VAV2: variants seen among roughly 807,000 people sequenced by gnomAD.
VAV2 encodes the protein vav guanine nucleotide exchange factor 2, also known as guanine nucleotide exchange factor VAV2.
A neutral mutation model predicts 132.5 loss-of-function variants in VAV2; 67 were observed. The observed-to-expected ratio is 0.51, with a 90% CI of 0.42 to 0.62. VAV2 has a LOEUF of 0.62. Among genes scored for constraint, VAV2 ranks in the 20% least tolerant of loss-of-function variants. The pLI, the probability that VAV2 is intolerant of heterozygous loss-of-function variation, is 0.00. For synonymous variants in VAV2, 492 were observed against 443.5 expected (o/e 1.11, Z -1.37); for missense variants, 938 against 1,153.6 (o/e 0.81, Z 2.71).
intron 6 of VAV2, among the ~76,000 whole-genome samples, chr9:133,809,494 G>A (rs538671683): frequency 6.6e-6 from 1 of 152,340 alleles, no homozygotes; most frequent in Non-Finnish European, 1.5e-5. Flanking sequence ...CTCCAGCACA[G>A]GAGCAGGAGT....
chr9:133,910,106 C>T (rs1839824867), intron 2 of VAV2, among the ~76,000 whole-genome samples: 1 of 152,148 alleles, frequency 6.6e-6, no homozygotes, highest in Non-Finnish European at 1.5e-5. Flanking sequence ...GAATCAGCTT[C>T]CCCCACCCCA....
chr9:133,830,760 T>C (rs1823486576), intron 4 of VAV2, among the ~76,000 whole-genome samples: 1 of 152,200 alleles, frequency 6.6e-6, no homozygotes, highest in Non-Finnish European at 1.5e-5. Context: ...TGGCATGCGC[T>C]TGTGTCTTGT....
At chr9:133,943,741 C>T (rs568846470) in intron 1 of VAV2, among the ~76,000 whole-genome samples, 5 of 152,346 alleles carry the variant, frequency 3.3e-5, no homozygotes, top group African/African-American at 9.6e-5. Flanking sequence ...AGGGAGGGCT[C>T]CCGCCCCTGG....
chr9:133,968,027 G>A (rs1842205193), intron 1 of VAV2, among the ~76,000 whole-genome samples: 1 of 151,916 alleles, frequency 6.6e-6, no homozygotes, highest in African/African-American at 2.4e-5. Flanking sequence ...GGGACAGAGT[G>A]GAATGATGGA....
In VAV2 at chr9:133,991,773, G is replaced by A. The variant is rs1313352593; in HGVS notation, c.204+302C>T. 1.3e-5 allele frequency among the ~76,000 whole-genome samples: 2 copies of A among 151,222 alleles called. No individual in the cohort carries two copies. The highest frequency in any genetic ancestry group is 1.9e-4 in the East Asian group (1 of 5,188). ...CCACTCGCAGGGCCCCGCAGAGCGA[G>A]CGCAGCGCCGGAGCCTCCCCCATCC... On this transcript the variant is annotated intron_variant, in intron 1 of 29. Coordinates refer to ENST00000371850, the MANE Select transcript of VAV2 (RefSeq NM_001134398.2). This position sits in a 1 kb window ranked among gnomAD's most constrained non-coding sequence, Gnocchi z 4.8.
rs894220492 is a variant in VAV2, at chr9:133,768,169, G to A, written c.2589+273C>T. Among the ~76,000 whole-genome samples the A allele has an allele frequency of 1.6e-4, 24 of 152,300 alleles. No individual in the cohort carries two copies. Among genetic ancestry groups the A allele is most frequent in the African/African-American group, 5.8e-4 (24 of 41,556 alleles). On this transcript the variant is annotated intron_variant, in intron 29 of 29. Coordinates refer to ENST00000371850, the MANE Select transcript of VAV2 (RefSeq NM_001134398.2). The surrounding 1 kb of genome is among the most constrained non-coding windows in gnomAD (Gnocchi z 5.3). The stretch of plus-strand genomic sequence containing the variant: ...GGCAGCCCAGAATAAAAATGGAACA[G>A]GGTCGGGGGGTTCCTAGGAGCCTGG...
rs1834328690 is a variant in VAV2, at chr9:133,788,581, G to A, written c.1275-95C>T. Reference sequence around the variant, plus strand: ...AGCTGAGCCTGAGGCTCTGGCACGCGGCTCCCTCTCCGGGCGAGCCCTGCC... The same window carrying A: ...AGCTGAGCCTGAGGCTCTGGCACGCAGCTCCCTCTCCGGGCGAGCCCTGCC... On this transcript the variant is annotated intron_variant, in intron 14 of 29. Coordinates refer to ENST00000371850, the MANE Select transcript of VAV2 (RefSeq NM_001134398.2). The surrounding 1 kb of genome is among the most constrained non-coding windows in gnomAD (Gnocchi z 5.3). The A allele has an allele frequency of 1.4e-5, 22 of 1,524,226 alleles. No individual in the cohort carries two copies. Among genetic ancestry groups the A allele is most frequent in the Middle Eastern group, 4.8e-4 (2 of 4,206 alleles). 94.4% of individuals were successfully genotyped at this position (1,524,226 alleles called of 1,614,324 possible). A position where few individuals can be genotyped will look rare whatever the true frequency, so the allele number is the denominator to read the frequency against.
At chr9:133,941,620 G>C (rs1035038564) in intron 1 of VAV2, among the ~76,000 whole-genome samples, 4 of 136,734 alleles carry the variant, frequency 2.9e-5, no homozygotes, top group Admixed American at 2.2e-4. Flanking sequence ...GGGGGGGGGG[G>C]GGACGGAATT....
intron 16 of VAV2, 78 bp downstream of exon 16, chr9:133,787,168 C>T (rs1834259643): frequency 2.1e-6 from 3 of 1,437,150 alleles, no homozygotes; most frequent in Non-Finnish European, 1.8e-6. Flanking sequence ...CCCTGGGTCC[C>T]CTGGCTCCGG....
At chr9:133,958,875 C>T (rs1326702325) in intron 1 of VAV2, among the ~76,000 whole-genome samples, 1 of 152,236 alleles carries the variant, frequency 6.6e-6, no homozygotes, top group Admixed American at 6.5e-5. Context: ...AGGAAGAAAG[C>T]CCTGGGCCCT....
At chr9:133,856,523 A>T (rs1236162375) in intron 3 of VAV2, among the ~76,000 whole-genome samples, 2 of 150,618 alleles carry the variant, frequency 1.3e-5, no homozygotes, top group Non-Finnish European at 2.9e-5. Flanking sequence ...GTGCCCAGAC[A>T]CGCCACATAG....
chr9:133,887,199 C>G (rs62576555), intron 2 of VAV2, among the ~76,000 whole-genome samples: 13,551 of 152,298 alleles, frequency 0.089, 694 homozygotes, highest in South Asian at 0.12. Flanking sequence ...TTCACCTCCA[C>G]AGCCCTCAGG....
At position 133,788,239 on chromosome 9, in the gene VAV2, C is replaced by CGCCCCCCAAACCGGGG; in HGVS notation, c.1407+114_1407+115insCCCCGGTTTGGGGGGC. 8.3e-7 allele frequency: 1 copy of CGCCCCCCAAACCGGGG among 1,204,926 alleles called. No individual in the cohort carries two copies. The highest frequency in any genetic ancestry group is 1.2e-6 in the Non-Finnish European group (1 of 859,296). 74.6% of individuals were successfully genotyped at this position (1,204,926 alleles called of 1,614,324 possible). On this transcript the variant is annotated intron_variant, in intron 15 of 29. Coordinates refer to ENST00000371850, the MANE Select transcript of VAV2 (RefSeq NM_001134398.2). The surrounding 1 kb of genome is among the most constrained non-coding windows in gnomAD (Gnocchi z 5.3). ...GCGGAGACGCCCACCCCAACCCACC[C>CGCCCCCCAAACCGGGG]GGCCAGCATCAGCGGCTGACTTCGA... is the stretch of plus-strand genomic sequence containing the variant.
intron 1 of VAV2, among the ~76,000 whole-genome samples, chr9:133,979,719 C>T (rs889987792): frequency 1.3e-5 from 2 of 152,240 alleles, no homozygotes; most frequent in Non-Finnish European, 2.9e-5. Context: ...AGCCTGCTGA[C>T]TTTGCCAGGG....
At chr9:133,870,696 G>T (rs969620042) in intron 2 of VAV2, among the ~76,000 whole-genome samples, 1 of 149,252 alleles carries the variant, frequency 6.7e-6, no homozygotes, top group Non-Finnish European at 1.5e-5. Context: ...TGGGTGGATG[G>T]ATAAGTGGGT....
At chr9:133,808,945 G>A in intron 7 of VAV2, 95 bp downstream of exon 7, 1 of 1,181,720 alleles carries the variant, frequency 8.5e-7, no homozygotes, top group South Asian at 1.5e-5. Flanking sequence ...GAGGCCCTAT[G>A]GCCCTGCCTC....
At chr9:133,797,407 G>A (rs1437898170) in intron 10 of VAV2, among the ~76,000 whole-genome samples, 5 of 152,134 alleles carry the variant, frequency 3.3e-5, no homozygotes, top group Non-Finnish European at 7.4e-5. Flanking sequence ...GGGGCTCCCT[G>A]GAGTCAGCAG....
intron 3 of VAV2, among the ~76,000 whole-genome samples, chr9:133,854,244 T>C (rs914441015): frequency 2.1e-5 from 3 of 142,564 alleles, no homozygotes; most frequent in African/African-American, 8.4e-5. Context: ...CACACATACA[T>C]GCACTCATCT....
rs577744451 is a variant in VAV2, at chr9:133,773,128, C to G, written c.2136-1082G>C. On this transcript the variant is annotated intron_variant, in intron 25 of 29. Transcript: ENST00000371850. ...GCCTACTGCACACCCCACACCTAGGCTGGACAGCAGAGCCTACTGCACACC... is the reference window on the plus strand; with the variant it reads ...GCCTACTGCACACCCCACACCTAGGGTGGACAGCAGAGCCTACTGCACACC... Among the ~76,000 whole-genome samples the G allele has an allele frequency of 4.2e-5, 6 of 142,144 alleles. No individual in the cohort carries two copies. In the South Asian group the frequency reaches 1.4e-3, roughly 32 times the overall value. 93.3% of individuals were successfully genotyped at this position (142,144 alleles called of 152,430 possible).
Sources: gnomAD v4.1 joint callset for allele counts (sites outside exome capture counted in the v4.1 genomes callset) on GRCh38, gnomAD v4.1.1 for gene constraint, Gnocchi (gnomAD v3.1) non-coding constraint, MANE v1.5 for transcripts, NCBI Gene and HGNC (gene_info 2026-07-23, HGNC 2026-07-21) for gene names.